The following MOK variants were observed in gnomAD, a reference collection of about 807,000 sequenced individuals.
MOK encodes MAPK/MAK/MRK overlapping kinase.
In MOK, 59 loss-of-function variants were observed where a neutral mutation model predicts 54.2. The observed-to-expected ratio is 1.09, with a 90% CI of 0.88 to 1.35. MOK has a LOEUF of 1.35. Among genes scored for constraint, MOK ranks in the 40% most tolerant of loss-of-function variants. The pLI is 0.00. For synonymous variants in MOK, 210 were observed against 202.7 expected (o/e 1.04, Z -0.31); for missense variants, 517 against 526.2 (o/e 0.98, Z 0.17).
rs562337988 is a variant in MOK at position 102,234,630 on chromosome 14, C to A, written c.591-841G>T. On this transcript the variant is annotated intron_variant, in intron 7 of 11. Transcript: ENST00000361847. Reference sequence around the variant, plus strand: ...CCATTCACTATGGGAGCCTCTCAGTCTATTCCTCCTAAAACTACCCCCCTT... The same window carrying A: ...CCATTCACTATGGGAGCCTCTCAGTATATTCCTCCTAAAACTACCCCCCTT... Among the ~76,000 whole-genome samples the A allele has an allele frequency of 2.6e-5, 4 of 152,240 alleles. No individual in the cohort carries two copies. In the South Asian group the frequency reaches 8.3e-4, roughly 32 times the overall value.
intron 1 of MOK, among the ~76,000 whole-genome samples, chr14:102,284,008 G>A (rs2069758953): frequency 6.6e-6 from 1 of 152,118 alleles, no homozygotes. Flanking sequence ...TCCTATAGAG[G>A]GCCCAGCTGA....
At chr14:102,282,487 C>T (rs2069548814) in intron 2 of MOK, among the ~76,000 whole-genome samples, 2 of 152,102 alleles carry the variant, frequency 1.3e-5, no homozygotes, top group Non-Finnish European at 2.9e-5. Context: ...GTAATCCCAG[C>T]CCTTTGTGAG....
At chr14:102,255,109 G>A (rs762185321) in intron 4 of MOK, among the ~76,000 whole-genome samples, 15 of 152,034 alleles carry the variant, frequency 9.9e-5, no homozygotes, top group Non-Finnish European at 1.8e-4. Flanking sequence ...CACGAGGTCC[G>A]GAGATCGAGA....
At chr14:102,265,794 A>G (rs746954221) in intron 3 of MOK, 29 bp downstream of exon 3, 7 of 1,547,632 alleles carry the variant, frequency 4.5e-6, no homozygotes, top group Admixed American at 1.7e-5. Context: ...TCAAATTTAG[A>G]TAACTTTTCA....
chr14:102,261,457 A>ATT, intron 4 of MOK, among the ~76,000 whole-genome samples: 1 of 116,628 alleles, frequency 8.6e-6, no homozygotes, highest in Non-Finnish European at 1.7e-5. Context: ...ATATATATAT[A>ATT]TTCTAAACAA....
At chr14:102,286,425 A>G (rs964105267) in intron 1 of MOK, among the ~76,000 whole-genome samples, 1 of 151,808 alleles carries the variant, frequency 6.6e-6, no homozygotes, top group African/African-American at 2.4e-5. Context: ...TTCAAGGCCA[A>G]GTTGGGCAAC....
intron 8 of MOK, 134 bp downstream of exon 8, chr14:102,233,554 G>T: frequency 1.5e-6 from 1 of 681,610 alleles, no homozygotes; most frequent in Admixed American, 2.7e-5. Flanking sequence ...TGGCCCTCAA[G>T]TGAACTTGAA....
At chr14:102,283,325 A>C in intron 2 of MOK, 153 bp downstream of exon 2, 1 of 539,854 alleles carries the variant, frequency 1.9e-6, no homozygotes, top group South Asian at 3.2e-5. Context: ...AGTATGATAA[A>C]CATAACATTA....
In MOK at chr14:102,233,762, A is replaced by C. The variant is rs1253306454; in HGVS notation, c.618T>G (p.Asn206Lys). The C allele has an allele frequency of 6.2e-7, 1 of 1,613,954 alleles. No homozygotes were observed. The highest frequency in any genetic ancestry group is 8.5e-7 in the Non-Finnish European group (1 of 1,179,944). The change falls in exon 8 of 12, where the codon AAT (asparagine) becomes AAG (lysine). Residue 206 changes from asparagine to lysine, a missense_variant. Transcript: ENST00000361847. ...ASLQPLFPGVNELDQISKIHD... is the reference protein window; with the variant it reads ...ASLQPLFPGVKELDQISKIHD... The stretch of plus-strand genomic sequence containing the variant: ...GGATTTTTGAGATTTGGTCCAGTTC[A>C]TTTACTCCAGGAAAGAGGGGCTGCA...
downstream of MOK, among the ~76,000 whole-genome samples, chr14:102,221,247 A>C (rs975476349): frequency 1.3e-5 from 2 of 152,178 alleles, no homozygotes; most frequent in African/African-American, 4.8e-5. This position sits in a 1 kb window ranked among gnomAD's most constrained non-coding sequence, Gnocchi z 4.8. Flanking sequence ...GGTCACCACC[A>C]CTTTCTCCCT....
chr14:102,288,061 C>T (rs886475945), intron 1 of MOK, among the ~76,000 whole-genome samples: 2 of 150,434 alleles, frequency 1.3e-5, no homozygotes, highest in Non-Finnish European at 1.5e-5. Context: ...GTCTCGATCT[C>T]CTGACCTCAT....
At chr14:102,258,662 C>T (rs1180356671) in intron 4 of MOK, among the ~76,000 whole-genome samples, 1 of 152,226 alleles carries the variant, frequency 6.6e-6, no homozygotes, top group Non-Finnish European at 1.5e-5. Flanking sequence ...ATTTTCCCAG[C>T]CCACACCATC....
Position 102,251,695 on chromosome 14 carries a change from C to T in MOK, c.411+61G>A, listed in dbSNP as rs916208515. ...CCTCTGGTAGGAGGAGAAAACCTTTCGGGAAAGATTTTCTATTCAGCTTTT... is the reference window on the plus strand; with the variant it reads ...CCTCTGGTAGGAGGAGAAAACCTTTTGGGAAAGATTTTCTATTCAGCTTTT... On this transcript the variant is annotated intron_variant, in intron 6 of 11. Transcript: ENST00000361847. 20 of 1,378,098 alleles carry T rather than the reference C, an allele frequency of 1.5e-5. No individual in the cohort carries two copies. In the Admixed American group the frequency reaches 2.5e-4, roughly 17 times the overall value. 85.4% of individuals were successfully genotyped at this position (1,378,098 alleles called of 1,614,324 possible). A position where few individuals can be genotyped will look rare whatever the true frequency, so the allele number is the denominator to read the frequency against.
intron 3 of MOK, chr14:102,264,648 C>T (rs1166595935): frequency 2.0e-5 from 3 of 152,250 alleles, no homozygotes; most frequent in Admixed American, 2.0e-4. Context: ...TACATACAAA[C>T]TGCACTCTCT....
intron 1 of MOK, among the ~76,000 whole-genome samples, chr14:102,301,274 G>A (rs890060242): frequency 3.3e-5 from 5 of 152,040 alleles, no homozygotes; most frequent in South Asian, 4.2e-4. Context: ...ATAGATAACC[G>A]GAACAATGAA....
chr14:102,297,614 T>G (rs942752767), intron 1 of MOK, among the ~76,000 whole-genome samples: 5 of 152,180 alleles, frequency 3.3e-5, no homozygotes, highest in Non-Finnish European at 5.9e-5. Flanking sequence ...CTCCCTGGGC[T>G]GGCCGGGGCC....
intron 2 of MOK, among the ~76,000 whole-genome samples, chr14:102,276,954 G>A (rs774945273): frequency 1.3e-5 from 2 of 150,418 alleles, no homozygotes; most frequent in African/African-American, 4.9e-5. Flanking sequence ...GCTCAGCAAC[G>A]CTCCCATCAC....
At position 102,303,855 on chromosome 14, in the gene MOK, T is replaced by G. The variant is rs139277867; in HGVS notation, c.7+1107A>C. On this transcript the variant is annotated intron_variant, in intron 1 of 11. Coordinates refer to ENST00000361847, the MANE Select transcript of MOK (RefSeq NM_014226.3). ...TGCAGCTAAGTGAAGGACGGGTTTA[T>G]AAATATTCAATGTACTGCTCTTGCA... is the stretch of plus-strand genomic sequence containing the variant. Among the ~76,000 whole-genome samples, 355 of 152,368 alleles carry G rather than the reference T, an allele frequency of 2.3e-3. 1 individual carries two copies. Among genetic ancestry groups the G allele is most frequent in the Admixed American group, 3.4e-3 (52 of 15,300 alleles).
intron 4 of MOK, among the ~76,000 whole-genome samples, chr14:102,252,370 G>A (rs781069816): frequency 2.0e-5 from 3 of 151,616 alleles, no homozygotes; most frequent in East Asian, 1.9e-4. Flanking sequence ...CTGGAGAATC[G>A]CTTGAACCCA....
Sources: gnomAD v4.1 joint callset for allele counts (sites outside exome capture counted in the v4.1 genomes callset) on GRCh38, gnomAD v4.1.1 for gene constraint, Gnocchi (gnomAD v3.1) non-coding constraint, MANE v1.5 for transcripts, NCBI Gene and HGNC (gene_info 2026-07-23, HGNC 2026-07-21) for gene names.